The following HMCN1 variants were observed in gnomAD, a reference collection of about 807,000 sequenced individuals.
The protein encoded by HMCN1 is hemicentin 1.
A neutral mutation model predicts 625.9 loss-of-function variants in HMCN1; 321 were observed. The observed-to-expected ratio is 0.51, with a 90% CI of 0.47 to 0.56. The LOEUF is 0.56. HMCN1 is among the 20% of genes least tolerant of loss of function. The pLI, the probability that HMCN1 is intolerant of heterozygous loss-of-function variation, is 0.00. For missense variants in HMCN1, 6,588 were observed against 6,887.3 expected (o/e 0.96, Z 1.54); for synonymous variants, 2,425 against 2,417.6 (o/e 1.00, Z -0.09).
chr1:186,037,894 C>G (rs778682600), intron 36 of HMCN1, 40 bp from the exon 37 acceptor site: 1 of 1,164,314 alleles, frequency 8.6e-7, no homozygotes, highest in African/African-American at 1.5e-5. Context: ...CTTAAATATT[C>G]TACTTATAAG....
intron 19 of HMCN1, 135 bp from the exon 20 acceptor site, chr1:185,987,297 A>G (rs1048558780): frequency 1.5e-4 from 105 of 703,930 alleles, no homozygotes; most frequent in African/African-American, 1.5e-3. Context: ...ATTATCCTAC[A>G]TTTTTATCAG....
intron 19 of HMCN1, 151 bp downstream of exon 19, chr1:185,984,464 T>A: frequency 2.3e-6 from 2 of 874,992 alleles, no homozygotes; most frequent in South Asian, 1.5e-5. Flanking sequence ...ACATTGTTAA[T>A]GTTGTTTCCA....
chr1:185,885,842 G>A (rs1380503953), intron 4 of HMCN1, among the ~76,000 whole-genome samples: 2 of 151,898 alleles, frequency 1.3e-5, no homozygotes, highest in African/African-American at 2.4e-5. Context: ...GATTCCAATT[G>A]TCTTTTCTGC....
intron 83 of HMCN1, among the ~76,000 whole-genome samples, chr1:186,129,529 C>T (rs539208545): frequency 1.3e-5 from 2 of 152,016 alleles, no homozygotes; most frequent in South Asian, 4.2e-4. Flanking sequence ...TTTGACCTGC[C>T]AAGTCAGTTG....
At chr1:185,806,980 T>TGAGG (rs1659213422) in intron 1 of HMCN1, among the ~76,000 whole-genome samples, 1 of 152,156 alleles carries the variant, frequency 6.6e-6, no homozygotes, top group Non-Finnish European at 1.5e-5. Context: ...TGATTGAAAA[T>TGAGG]CTATAAAATT....
Position 186,023,075 on chromosome 1 carries a change from G to C in HMCN1, c.5671G>C (p.Glu1891Gln). The stretch of plus-strand genomic sequence containing the variant: ...TCTACAAATTGCCAAAACCCTGTTG[G>C]AAGATGCTGGCAGATACACATGTGT... ...RVLQIAKTLL[E>Q]DAGRYTCVAT... Residue 1891 changes from glutamate to glutamine, a missense_variant, in exon 36 of 107, where the codon GAA becomes CAA. Physicochemically the swap from Glu to Gln is conservative, Grantham distance 29 (BLOSUM62 2). Around this residue, in one of 3 missense-constraint regions of HMCN1, gnomAD observed 4,628 missense variants for 4,853.1 expected, o/e 0.95. Coordinates refer to ENST00000271588, the MANE Select transcript of HMCN1 (RefSeq NM_031935.3). The C allele has an allele frequency of 6.2e-7, 1 of 1,613,402 alleles. No homozygotes were observed. Among genetic ancestry groups the C allele is most frequent in the African/African-American group, 1.3e-5 (1 of 75,006 alleles).
chr1:185,783,663 A>G (rs1012705313), intron 1 of HMCN1, among the ~76,000 whole-genome samples: 9 of 152,188 alleles, frequency 5.9e-5, no homozygotes, highest in African/African-American at 2.2e-4. Context: ...AACAGCAAAT[A>G]TTGCTGAACA....
At chr1:185,786,232 C>T (rs1401208366) in intron 1 of HMCN1, among the ~76,000 whole-genome samples, 1 of 152,154 alleles carries the variant, frequency 6.6e-6, no homozygotes, top group Admixed American at 6.5e-5. Context: ...AATCATTTTC[C>T]CTAACATGAG....
chr1:186,129,376 A>C (rs1661806778), intron 83 of HMCN1, among the ~76,000 whole-genome samples: 1 of 151,094 alleles, frequency 6.6e-6, no homozygotes. Flanking sequence ...AAATATTACT[A>C]TCATAAATTT....
At chr1:185,919,245 G>A (rs975659156) in intron 6 of HMCN1, among the ~76,000 whole-genome samples, 1 of 151,966 alleles carries the variant, frequency 6.6e-6, no homozygotes, top group African/African-American at 2.4e-5. Flanking sequence ...GGTGTCATTT[G>A]GTTCTCCTCT....
chr1:185,817,345 G>A (rs994624814), intron 1 of HMCN1, among the ~76,000 whole-genome samples: 2 of 152,184 alleles, frequency 1.3e-5, no homozygotes, highest in African/African-American at 4.8e-5. Flanking sequence ...GCAGTGGAAA[G>A]GGGTGCCTCC....
At chr1:185,927,901 A>C (rs932777465) in intron 9 of HMCN1, among the ~76,000 whole-genome samples, 8 of 152,308 alleles carry the variant, frequency 5.3e-5, no homozygotes, top group African/African-American at 1.9e-4. Flanking sequence ...AAAATGAGAA[A>C]TAATTTGAAC....
At chr1:186,128,384 A>G (rs2102510783) in intron 83 of HMCN1, 93 bp downstream of exon 83, 1 of 1,029,600 alleles carries the variant, frequency 9.7e-7, no homozygotes, top group East Asian at 2.5e-5. Flanking sequence ...ATTGAAAAGT[A>G]ACAAGAATTG....
intron 32 of HMCN1, among the ~76,000 whole-genome samples, 155 bp downstream of exon 32, chr1:186,016,394 G>A (rs113533719): frequency 0.029 from 4,347 of 152,190 alleles, 92 homozygotes; most frequent in Non-Finnish European, 0.041. Flanking sequence ...GGGTGGATTT[G>A]TCACCAGAGT....
chr1:185,837,608 A>C (rs1431848199), intron 1 of HMCN1, among the ~76,000 whole-genome samples: 1 of 152,054 alleles, frequency 6.6e-6, no homozygotes, highest in East Asian at 1.9e-4. Flanking sequence ...TGAAAAGTAG[A>C]ATGTTATTTT....
intron 1 of HMCN1, among the ~76,000 whole-genome samples, chr1:185,817,194 G>A (rs1659895791): frequency 6.6e-6 from 1 of 152,124 alleles, no homozygotes; most frequent in African/African-American, 2.4e-5. Context: ...GTGTGCAAGA[G>A]ACAAGTAGCA....
chr1:186,186,595 C>T (rs1433317683), intron 105 of HMCN1, among the ~76,000 whole-genome samples: 1 of 152,134 alleles, frequency 6.6e-6, no homozygotes, highest in Non-Finnish European at 1.5e-5. Flanking sequence ...GCCTGCCAGC[C>T]ACCTCTATCA....
At position 186,019,599 on chromosome 1, in the gene HMCN1, T is replaced by G. The variant is rs1364656336; in HGVS notation, c.5529T>G (p.Pro1843=). The change falls in exon 35 of 107, where the codon CCT becomes CCG. Residue 1843 remains proline (P), a synonymous_variant. Transcript: ENST00000271588. The stretch of plus-strand genomic sequence containing the variant: ...AGAGAGTTGTGGTAAAATACAAGCC[T>G]GTCGCCTTGCAGTGCATAGCCAATG... The part of the protein sequence containing the change: ...LSERVVVKYK[P]VALQCIANGI... 2 of 1,610,140 alleles carry G rather than the reference T, an allele frequency of 1.2e-6. No individual in the cohort carries two copies. The highest frequency in any genetic ancestry group is 1.7e-6 in the Non-Finnish European group (2 of 1,176,662).
chr1:186,079,473 C>T (rs551522593), intron 55 of HMCN1, among the ~76,000 whole-genome samples: 1 of 152,144 alleles, frequency 6.6e-6, no homozygotes, highest in Non-Finnish European at 1.5e-5. Context: ...CTTCTACAGA[C>T]AATAGTGGCT....
Sources: allele counts gnomAD v4.1 joint callset (sites outside exome capture counted in the v4.1 genomes callset), GRCh38; gene constraint gnomAD v4.1.1; regional missense constraint gnomAD v4.1.1; transcripts MANE v1.5; gene names NCBI Gene and HGNC (gene_info 2026-07-23, HGNC 2026-07-21).